TRIP4: variants seen among roughly 807,000 people sequenced by gnomAD.
TRIP4 encodes thyroid hormone receptor interactor 4.
In TRIP4, 54 loss-of-function variants were observed where a neutral mutation model predicts 81.8. That is an observed-to-expected ratio of 0.66 (90% CI 0.53 to 0.83). TRIP4 has a LOEUF of 0.83. Ranked by LOEUF, TRIP4 falls within the 40% of genes least tolerant of loss-of-function variation. The pLI, the probability that TRIP4 is intolerant of heterozygous loss-of-function variation, is 0.00. For synonymous variants in TRIP4, 270 were observed against 242.8 expected, an observed-to-expected ratio of 1.11 and a Z score of -1.04; for missense variants, 662 against 683.6, an observed-to-expected ratio of 0.97 and a Z score of 0.35.
chr15:64,397,766 G>A lies in TRIP4; in HGVS notation c.566G>A (p.Arg189His), dbSNP rs201373158. 106 of 1,614,240 alleles carry A rather than the reference G, an allele frequency of 6.6e-5. No homozygotes were observed. The East Asian group carries it at 2.0e-3, about 30-fold the overall frequency. ...ATCAATAACTGTCTGATCTGTGGGCGCATTGTCTGTGAACAAGAAGGCTCA... is the reference window on the plus strand; with the variant it reads ...ATCAATAACTGTCTGATCTGTGGGCACATTGTCTGTGAACAAGAAGGCTCA... ...KLINNCLICG[R>H]IVCEQEGSGP... is the part of the protein sequence containing the mutation. Residue 189 changes from arginine to histidine, a missense_variant, in exon 4 of 13, where the codon CGC becomes CAC. Coordinates refer to ENST00000261884, the MANE Select transcript of TRIP4 (RefSeq NM_016213.5).
rs1218633116 is a variant in TRIP4, at chr15:64,445,756, A to G, written c.1678+648A>G. Among the ~76,000 whole-genome samples the G allele has an allele frequency of 5.3e-5, 8 of 151,340 alleles. No individual in the cohort carries two copies. In the East Asian group the frequency reaches 1.5e-3, roughly 29 times the overall value. The stretch of plus-strand genomic sequence containing the variant: ...TATAATTATACTTATCAATAACTTT[A>G]TGTTAGGTTAACTACAGTAAAGCCT... On this transcript the variant is annotated intron_variant, in intron 12 of 12. Coordinates refer to ENST00000261884, the MANE Select transcript of TRIP4 (RefSeq NM_016213.5).
At chr15:64,396,146 C>G (rs935061749) in intron 3 of TRIP4, among the ~76,000 whole-genome samples, 1 of 151,920 alleles carries the variant, frequency 6.6e-6, no homozygotes, top group Non-Finnish European at 1.5e-5. Flanking sequence ...TGAGCTCAGG[C>G]AATCCACCCA....
At chr15:64,407,810 A>G (rs1891664046) in intron 6 of TRIP4, among the ~76,000 whole-genome samples, 1 of 151,996 alleles carries the variant, frequency 6.6e-6, no homozygotes, top group African/African-American at 2.4e-5. Context: ...TATAAGACCA[A>G]TTTCCACCAG....
intron 1 of TRIP4, among the ~76,000 whole-genome samples, chr15:64,393,047 T>A (rs1900181150): frequency 6.6e-6 from 1 of 152,210 alleles, no homozygotes; most frequent in Non-Finnish European, 1.5e-5. Context: ...TCATAATTTT[T>A]AAAAAGTTAA....
intron 11 of TRIP4, among the ~76,000 whole-genome samples, chr15:64,436,959 A>G (rs1400866605): frequency 6.6e-6 from 1 of 151,204 alleles, no homozygotes; most frequent in African/African-American, 2.4e-5. Flanking sequence ...TGCCTGCCTC[A>G]GCCTCCCAGA....
chr15:64,402,921 G>A (rs551655707), intron 5 of TRIP4, among the ~76,000 whole-genome samples: 3 of 152,136 alleles, frequency 2.0e-5, no homozygotes, highest in Non-Finnish European at 2.9e-5. Context: ...GTGTGGTGGC[G>A]TGATCTCGGC....
chr15:64,391,013 A>G (rs565073989), intron 1 of TRIP4, among the ~76,000 whole-genome samples: 2 of 152,350 alleles, frequency 1.3e-5, no homozygotes, highest in African/African-American at 4.8e-5. Context: ...ACAACAGGCT[A>G]TTATGCCATG....
chr15:64,400,504 C>G (rs1342630503), intron 4 of TRIP4, among the ~76,000 whole-genome samples: 1 of 144,196 alleles, frequency 6.9e-6, no homozygotes, highest in Non-Finnish European at 1.5e-5. Context: ...ACCATTAAGT[C>G]ATTCAGGGAC....
intron 11 of TRIP4, among the ~76,000 whole-genome samples, chr15:64,437,385 C>T (rs1339278589): frequency 6.6e-6 from 1 of 151,348 alleles, no homozygotes; most frequent in Non-Finnish European, 1.5e-5. Flanking sequence ...CCATTGCACT[C>T]CAACCTGGGC....
rs188989370 is a variant in TRIP4, at chr15:64,405,841, A to C, written c.698-489A>C. 2.3e-3 allele frequency among the ~76,000 whole-genome samples: 347 copies of C among 152,260 alleles called. 1 individual carries two copies. The highest frequency in any genetic ancestry group is 3.8e-3 in the Non-Finnish European group (257 of 68,018). On this transcript the variant is annotated intron_variant, in intron 5 of 12. Coordinates refer to ENST00000261884, the MANE Select transcript of TRIP4 (RefSeq NM_016213.5). ...GAGACCCGCCTCTCTACAAAAATTT[A>C]AAAATTCAGACACAATGGCATGTGC...
At chr15:64,429,400 G>T (rs1892221739) in intron 11 of TRIP4, among the ~76,000 whole-genome samples, 1 of 152,178 alleles carries the variant, frequency 6.6e-6, no homozygotes, top group South Asian at 2.1e-4. Context: ...CTGAATGAAT[G>T]AGTTGAGAGT....
At chr15:64,410,514 T>G (rs1753948993) in intron 7 of TRIP4, among the ~76,000 whole-genome samples, 1 of 152,214 alleles carries the variant, frequency 6.6e-6, no homozygotes, top group South Asian at 2.1e-4. Context: ...TTAAATATGT[T>G]ATTTTGGGAT....
intron 12 of TRIP4, 36 bp from the exon 13 acceptor site, chr15:64,454,961 A>G (rs761287298): frequency 1.2e-6 from 2 of 1,606,056 alleles, no homozygotes; most frequent in Admixed American, 1.7e-5. Context: ...TGCAAATACA[A>G]AAATAAATAA....
At chr15:64,432,592 A>G (rs1346507717) in intron 11 of TRIP4, among the ~76,000 whole-genome samples, 1 of 151,934 alleles carries the variant, frequency 6.6e-6, no homozygotes, top group Admixed American at 6.6e-5. Flanking sequence ...CCTGGGTGAC[A>G]GAGCAAGACT....
At chr15:64,395,307 G>T in intron 2 of TRIP4, 91 bp from the exon 3 acceptor site, 1 of 1,068,174 alleles carries the variant, frequency 9.4e-7, no homozygotes. Flanking sequence ...TAAATATTAA[G>T]CATCACCTTA....
At chr15:64,419,394 C>T (rs1891958787) in intron 9 of TRIP4, among the ~76,000 whole-genome samples, 1 of 151,878 alleles carries the variant, frequency 6.6e-6, no homozygotes, top group South Asian at 2.1e-4. Flanking sequence ...GAGTCTTGCT[C>T]TGTCACCAGG....
At chr15:64,395,328 T>C in intron 2 of TRIP4, 70 bp from the exon 3 acceptor site, 2 of 1,363,908 alleles carry the variant, frequency 1.5e-6, no homozygotes, top group South Asian at 1.5e-5. Flanking sequence ...GTTTATTAGC[T>C]ATATTAGTTC....
intron 12 of TRIP4, among the ~76,000 whole-genome samples, chr15:64,453,901 A>G (rs1892825982): frequency 6.6e-6 from 1 of 152,226 alleles, no homozygotes; most frequent in African/African-American, 2.4e-5. Flanking sequence ...AAGTGAAAAT[A>G]CTGAAATCCA....
At chr15:64,432,962 T>C (rs890463129) in intron 11 of TRIP4, among the ~76,000 whole-genome samples, 1 of 151,800 alleles carries the variant, frequency 6.6e-6, no homozygotes, top group Non-Finnish European at 1.5e-5. Flanking sequence ...CTTGAGAGCC[T>C]ATTATAAATC....
Sources: allele counts gnomAD v4.1 joint callset (sites outside exome capture counted in the v4.1 genomes callset), GRCh38; gene constraint gnomAD v4.1.1; transcripts MANE v1.5; gene names NCBI Gene and HGNC (gene_info 2026-07-23, HGNC 2026-07-21).